UQCRC1: variants seen among roughly 807,000 people sequenced by gnomAD.
The protein encoded by UQCRC1 is cytochrome b-c1 complex subunit 1, mitochondrial.
Under a neutral mutation model 58.0 loss-of-function variants are expected in UQCRC1, and 34 were observed. The ratio of observed to expected loss-of-function variants is 0.59; its 90% confidence interval spans 0.45 to 0.78. UQCRC1 has a LOEUF of 0.78. Ranked by LOEUF, UQCRC1 falls within the 30% of genes least tolerant of loss-of-function variation. UQCRC1 has a pLI of 0.00. For synonymous variants in UQCRC1, 276 were observed against 248.8 expected, an observed-to-expected ratio of 1.11 and a Z score of -1.03; for missense variants, 610 against 646.0, an observed-to-expected ratio of 0.94 and a Z score of 0.60.
intron 5 of UQCRC1, chr3:48,604,019 C>G (rs1236187639): frequency 1.1e-5 from 7 of 616,002 alleles, no homozygotes; most frequent in African/African-American, 3.7e-5. Flanking sequence ...GGACATGCAC[C>G]AAAACATACC....
intron 6 of UQCRC1, among the ~76,000 whole-genome samples, chr3:48,602,824 A>C (rs1344738489): frequency 2.6e-5 from 4 of 152,102 alleles, no homozygotes; most frequent in Non-Finnish European, 5.9e-5. Flanking sequence ...CGACCAGCCA[A>C]GATGGGAAGC....
rs527267111 is a variant in UQCRC1 at position 48,609,053 on chromosome 3, G to A, written c.210+109C>T. On this transcript the variant is annotated intron_variant, in intron 2 of 12. Coordinates refer to ENST00000203407, the MANE Select transcript of UQCRC1 (RefSeq NM_003365.3). ...TCTCGGGGTGAGTGGTCCTGGGTCC[G>A]AACCCAAACCACAAACGGGAAGACT... 58 of 1,479,302 alleles carry A rather than the reference G, an allele frequency of 3.9e-5. No homozygotes were observed. In the East Asian group the frequency reaches 1.3e-3, roughly 34 times the overall value. The allele number at this position is 1,479,302 out of a possible 1,614,324, so 91.6% of individuals were successfully genotyped here.
intron 3 of UQCRC1, 45 bp from the exon 4 acceptor site, chr3:48,604,825 C>A (rs1345565738): frequency 1.2e-6 from 2 of 1,610,558 alleles, no homozygotes; most frequent in Admixed American, 3.3e-5. Context: ...TACACAGGAA[C>A]CCAAGAACCC....
intron 6 of UQCRC1, among the ~76,000 whole-genome samples, chr3:48,601,947 G>A (rs2046369898): frequency 6.6e-6 from 1 of 152,162 alleles, no homozygotes; most frequent in Non-Finnish European, 1.5e-5. Flanking sequence ...CTGAGAGCTG[G>A]GGACATTTGC....
intron 4 of UQCRC1, 108 bp downstream of exon 4, chr3:48,604,543 C>T: frequency 6.3e-7 from 1 of 1,587,118 alleles, no homozygotes; most frequent in Non-Finnish European, 8.6e-7. Flanking sequence ...TGCCCAGCTG[C>T]AAAGCCATAC....
In UQCRC1 at chr3:48,600,147, A is replaced by T. The variant is rs777032513; in HGVS notation, c.1218T>A (p.Thr406=). 1 of 1,614,000 alleles carries T rather than the reference A, an allele frequency of 6.2e-7. No individual in the cohort carries two copies. Among genetic ancestry groups the T allele is most frequent in the Non-Finnish European group, 8.5e-7 (1 of 1,180,030 alleles). Residue 406 remains threonine, a synonymous_variant, in exon 11 of 13, where the codon ACT becomes ACA. Coordinates refer to ENST00000203407, the MANE Select transcript of UQCRC1 (RefSeq NM_003365.3). ...RNALVSHLDG[T]TPVCEDIGRS... ...GTCCGATGTCCTCACACACAGGAGT[A>T]GTGCCTTTAAGGGTGAGAGAAGGCT...
At chr3:48,600,009 C>T in intron 11 of UQCRC1, 54 bp downstream of exon 11, 1 of 1,603,696 alleles carries the variant, frequency 6.2e-7, no homozygotes, top group Non-Finnish European at 8.5e-7. Context: ...CCCTACACCT[C>T]CCAGGTGTCT....
At chr3:48,608,807 C>T (rs1431782872) in intron 2 of UQCRC1, among the ~76,000 whole-genome samples, 3 of 152,184 alleles carry the variant, frequency 2.0e-5, no homozygotes, top group Non-Finnish European at 4.4e-5. Flanking sequence ...GGCAGTGAGG[C>T]TGACAGACCT....
intron 2 of UQCRC1, 132 bp from the exon 3 acceptor site, chr3:48,605,988 A>G (rs2046407626): frequency 1.2e-6 from 1 of 804,230 alleles, no homozygotes; most frequent in African/African-American, 1.8e-5. Context: ...GAGCTGCCCC[A>G]GCAGGACCCC....
Position 48,601,340 on chromosome 3 carries a change from A to G in UQCRC1, c.822+12T>C. ...CCAGCTGAGCACTACTCCTGCCCAA[A>G]AGGCAGCATACCTCACTGCCAGTGA... On this transcript the variant is annotated intron_variant, in intron 7 of 12. Transcript: ENST00000203407. 6.2e-7 allele frequency: 1 copy of G among 1,613,708 alleles called. No homozygotes were observed. Among genetic ancestry groups the G allele is most frequent in the Non-Finnish European group, 8.5e-7 (1 of 1,179,744 alleles).
chr3:48,600,175 G>A, intron 10 of UQCRC1, 24 bp from the exon 11 acceptor site: 1 of 1,612,882 alleles, frequency 6.2e-7, no homozygotes. Context: ...AGAAGGCTCA[G>A]AGGTCCACCC....
intron 5 of UQCRC1, 34 bp from the exon 6 acceptor site, chr3:48,603,677 T>A: frequency 6.3e-7 from 1 of 1,597,336 alleles, no homozygotes; most frequent in East Asian, 2.2e-5. Context: ...TCAACACCTC[T>A]ACCACACTGG....
In UQCRC1 at chr3:48,601,103, C is replaced by T. The variant is rs777012433; in HGVS notation, c.838G>A (p.Asp280Asn). 6.2e-7 allele frequency: 1 copy of T among 1,602,100 alleles called. No homozygotes were observed. ...FTGSEIRHRD[D>N]ALPFAHVAIA... The stretch of plus-strand genomic sequence containing the variant: ...GCCACGTGGGCAAAAGGTAGAGCAT[C>T]ATCACGGTGGCGGATCTGAAACAGT... The change falls in exon 8 of 13, where the codon GAT (aspartate) becomes AAT (asparagine). Residue 280 changes from aspartate (D) to asparagine (N), a missense_variant. By Grantham distance (23) the Asp-to-Asn change is conservative. Transcript: ENST00000203407.
At chr3:48,607,287 C>T (rs1482384466) in intron 2 of UQCRC1, among the ~76,000 whole-genome samples, 5 of 151,604 alleles carry the variant, frequency 3.3e-5, no homozygotes, top group South Asian at 2.1e-4. Context: ...GTGATTCGCC[C>T]GCCTCGGCCT....
In UQCRC1 at chr3:48,601,445, T is replaced by C. The variant is rs1559456068; in HGVS notation, c.729A>G (p.Leu243=). 1.2e-6 allele frequency: 2 copies of C among 1,613,982 alleles called. No homozygotes were observed. Among genetic ancestry groups the C allele is most frequent in the African/African-American group, 2.7e-5 (2 of 74,920 alleles). ...AAGGVEHQQL[L]DLAQKHLGGI... is the part of the protein sequence containing the mutation. ...CACCGAGGTGCTTCTGGGCGAGGTC[T>C]AACAGTTGCTGGTGCTCCACTCCTG... is the stretch of plus-strand genomic sequence containing the variant. The change falls in exon 7 of 13, where the codon TTA becomes TTG. Residue 243 remains leucine, a synonymous_variant. Transcript: ENST00000203407.
Position 48,601,482 on chromosome 3 carries a change from A to G in UQCRC1, c.707-15T>C. 6.2e-7 allele frequency: 1 copy of G among 1,612,480 alleles called. No individual in the cohort carries two copies. Among genetic ancestry groups the G allele is most frequent in the Non-Finnish European group, 8.5e-7 (1 of 1,179,278 alleles). On this transcript the variant is annotated splice_polypyrimidine_tract_variant and intron_variant, in intron 6 of 12. Coordinates refer to ENST00000203407, the MANE Select transcript of UQCRC1 (RefSeq NM_003365.3). ...GTGCTCCACTCCTGCTGAGACAGAC[A>G]GTGGCATTACTGACCAGCCAGGGCC...
chr3:48,599,224 G>A lies in UQCRC1; in HGVS notation c.1379-32C>T, dbSNP rs1427863382. ...GGATAGGGTGGAGCGTCAGGGTGGG[G>A]TACCTGGCCTGCACAGGGACACCTG... On this transcript the variant is annotated intron_variant, in intron 12 of 12. Transcript: ENST00000203407. 8 of 1,572,192 alleles carry A rather than the reference G, an allele frequency of 5.1e-6. 1 individual carries two copies. The African/African-American group carries it at 1.1e-4, about 21-fold the overall frequency.
intron 2 of UQCRC1, among the ~76,000 whole-genome samples, chr3:48,608,466 T>C (rs1252548223): frequency 6.6e-6 from 1 of 152,238 alleles, no homozygotes; most frequent in African/African-American, 2.4e-5. Flanking sequence ...TATAGCATTC[T>C]TTACTATAAC....
Position 48,609,252 on chromosome 3 carries a change from C to CTGAGCGAAGATT in UQCRC1, c.119_120insAATCTTCGCTCA (p.Gln40_Ala41insIlePheAlaGln). ...GCGTCTCCGGCACGAACTGGAGCGC[C>CTGAGCGAAGATT]TGAGCGAAGGTTGCCGTACTCCGCA... On this transcript the variant is annotated inframe_insertion, in exon 2 of 13. Transcript: ENST00000203407. 1 of 1,612,776 alleles carries CTGAGCGAAGATT rather than the reference C, an allele frequency of 6.2e-7. No individual in the cohort carries two copies. The highest frequency in any genetic ancestry group is 8.5e-7 in the Non-Finnish European group (1 of 1,179,682).
Sources: gnomAD v4.1 joint callset for allele counts (sites outside exome capture counted in the v4.1 genomes callset) on GRCh38, gnomAD v4.1.1 for gene constraint, MANE v1.5 for transcripts, NCBI Gene and HGNC (gene_info 2026-07-23, HGNC 2026-07-21) for gene names.